The following SRP72 variants were observed in gnomAD, a reference collection of about 807,000 sequenced individuals.
SRP72 encodes the protein signal recognition particle subunit SRP72.
Under a neutral mutation model 96.3 loss-of-function variants are expected in SRP72, and 49 were observed. That is an observed-to-expected ratio of 0.51 (90% CI 0.40 to 0.65). The LOEUF (loss-of-function observed/expected upper bound fraction) is 0.65, where lower values mean the gene tolerates loss of function less well. Among genes scored for constraint, SRP72 ranks in the 30% least tolerant of loss-of-function variants. The pLI is 0.00. For synonymous variants in SRP72, 267 were observed against 275.2 expected (o/e 0.97, Z 0.30); for missense variants, 736 against 793.3 (o/e 0.93, Z 0.87).
chr4:56,487,694 A>G (rs557411740), intron 11 of SRP72, among the ~76,000 whole-genome samples: 1 of 152,334 alleles, frequency 6.6e-6, no homozygotes, highest in Admixed American at 6.5e-5. Flanking sequence ...CTTTTCTGGT[A>G]GCAGCTCTGC....
At position 56,474,263 on chromosome 4, in the gene SRP72, A is replaced by G. The variant is rs774648666; in HGVS notation, c.499-17A>G. 3.0e-5 allele frequency: 49 copies of G among 1,613,580 alleles called. 1 individual carries two copies. In the Admixed American group the frequency reaches 7.5e-4, roughly 25 times the overall value. On this transcript the variant is annotated splice_polypyrimidine_tract_variant and intron_variant, in intron 4 of 18. Transcript: ENST00000642900. ...TATTCATATTTAGTATTTAACTGGTATTTTGTCCCCTGACAGGAGAACCTG... is the reference window on the plus strand; with the variant it reads ...TATTCATATTTAGTATTTAACTGGTGTTTTGTCCCCTGACAGGAGAACCTG...
At chr4:56,471,162 A>AT (rs1485115639) in intron 2 of SRP72, among the ~76,000 whole-genome samples, 1 of 152,098 alleles carries the variant, frequency 6.6e-6, no homozygotes, top group Non-Finnish European at 1.5e-5. Context: ...TTTGATAAAT[A>AT]TTTTTCCTCA....
intron 10 of SRP72, 135 bp downstream of exon 10, chr4:56,484,999 C>A: frequency 9.2e-7 from 1 of 1,090,966 alleles, no homozygotes; most frequent in Non-Finnish European, 1.2e-6. Context: ...ATTTCATTGT[C>A]ATTTTAGTTA....
chr4:56,491,404 T>C (rs1274520382), intron 15 of SRP72, 27 bp from the exon 16 acceptor site: 3 of 1,608,916 alleles, frequency 1.9e-6, no homozygotes, highest in Non-Finnish European at 2.5e-6. Flanking sequence ...GTGTATATTA[T>C]GTTCCTGAAC....
At position 56,484,756 on chromosome 4, in the gene SRP72, A is replaced by G. The variant is rs780856924; in HGVS notation, c.978A>G (p.Ile326Met). 4.3e-6 allele frequency: 7 copies of G among 1,614,148 alleles called. No homozygotes were observed. The highest frequency in any genetic ancestry group is 5.9e-6 in the Non-Finnish European group (7 of 1,180,032). ...YTNQAEQCRK[I>M]SASLQSQSPE... ...TCTAGGCTGAACAATGCCGCAAAAT[A>G]TCTGCCAGTTTACAGTCCCAAAGTC... Residue 326 changes from isoleucine (I) to methionine (M), a missense_variant, in exon 10 of 19, where the codon ATA (isoleucine) becomes ATG (methionine). Ile to Met is a conservative substitution (Grantham distance 10). Coordinates refer to ENST00000642900, the MANE Select transcript of SRP72 (RefSeq NM_006947.4).
At chr4:56,487,795 A>G (rs964898274) in intron 11 of SRP72, among the ~76,000 whole-genome samples, 154 bp from the exon 12 acceptor site, 1 of 152,132 alleles carries the variant, frequency 6.6e-6, no homozygotes, top group Non-Finnish European at 1.5e-5. Context: ...CACCATCCCC[A>G]AGACCCCAAA....
At chr4:56,489,284 AG>A in intron 12 of SRP72, 103 bp from the exon 13 acceptor site, 2 of 509,160 alleles carry the variant, frequency 3.9e-6, no homozygotes, top group Non-Finnish European at 7.0e-6. Context: ...ATCAGGTATT[AG>A]CGGAGAGCCT....
intron 17 of SRP72, among the ~76,000 whole-genome samples, chr4:56,498,052 C>A (rs1312653724): frequency 6.6e-6 from 1 of 151,992 alleles, no homozygotes; most frequent in Non-Finnish European, 1.5e-5. Context: ...TTTTCCACTC[C>A]TCTATTATAT....
intron 2 of SRP72, among the ~76,000 whole-genome samples, chr4:56,470,064 A>G (rs1719910622): frequency 7.0e-6 from 1 of 142,568 alleles, no homozygotes; most frequent in Admixed American, 7.8e-5. Context: ...GAGTCGTTGG[A>G]GGATGTAGCA....
intron 18 of SRP72, 22 bp from the exon 19 acceptor site, chr4:56,501,662 A>G: frequency 6.2e-7 from 1 of 1,607,398 alleles, no homozygotes; most frequent in Non-Finnish European, 8.5e-7. Flanking sequence ...ATGAGTGACC[A>G]AAAATGATCT....
intron 16 of SRP72, among the ~76,000 whole-genome samples, chr4:56,492,711 C>G (rs1720950157): frequency 1.3e-5 from 2 of 152,190 alleles, no homozygotes. Flanking sequence ...TTACATTGTT[C>G]CGAATTCCAT....
At position 56,491,563 on chromosome 4, in the gene SRP72, A is replaced by G; in HGVS notation, c.1635A>G (p.Glu545=). The change falls in exon 16 of 19, where the codon GAA becomes GAG. Residue 545 remains glutamate (E), a synonymous_variant. Transcript: ENST00000642900. The part of the protein sequence containing the change: ...GKVTGDSQPK[E]QGQGDLKKKK... ...TTACTGGAGATAGTCAACCAAAGGA[A>G]CAAGGGTAATATTTTTCATTGTAAC... is the stretch of plus-strand genomic sequence containing the variant. 2 of 1,613,606 alleles carry G rather than the reference A, an allele frequency of 1.2e-6. No homozygotes were observed. Among genetic ancestry groups the G allele is most frequent in the Non-Finnish European group, 1.7e-6 (2 of 1,179,746 alleles).
chr4:56,499,691 C>A (rs1158186749), intron 17 of SRP72, among the ~76,000 whole-genome samples: 1 of 151,948 alleles, frequency 6.6e-6, no homozygotes, highest in African/African-American at 2.4e-5. Context: ...GTTAGAATGG[C>A]GATCATTAAA....
rs372790703 is a variant in SRP72 at position 56,480,443 on chromosome 4, A to T, written c.825+1794A>T. Among the ~76,000 whole-genome samples the T allele has an allele frequency of 2.7e-4, 41 of 152,154 alleles. No individual in the cohort carries two copies. The East Asian group carries it at 6.8e-3, about 25-fold the overall frequency. On this transcript the variant is annotated intron_variant, in intron 8 of 18. Transcript: ENST00000642900. ...CCCGGCTAATTTTTGTATTTTTAGT[A>T]GAGATGGGGTTTCACCATGTTGGGC...
intron 10 of SRP72, among the ~76,000 whole-genome samples, chr4:56,485,760 C>T (rs1720682297): frequency 6.6e-6 from 1 of 151,992 alleles, no homozygotes; most frequent in Non-Finnish European, 1.5e-5. Context: ...GAGATCACGC[C>T]ACTGCACTCC....
chr4:56,476,811 T>A (rs1421490825), intron 6 of SRP72, 109 bp downstream of exon 6: 34 of 1,135,386 alleles, frequency 3.0e-5, no homozygotes, highest in Admixed American at 2.0e-4. Flanking sequence ...GGCAATTCAT[T>A]AAGTAGGAAT....
At chr4:56,488,096 C>A in intron 12 of SRP72, 83 bp downstream of exon 12, 1 of 894,588 alleles carries the variant, frequency 1.1e-6, no homozygotes, top group East Asian at 2.7e-5. Context: ...ATTTATATGT[C>A]GAATGTGTAT....
rs76160550 is a variant in SRP72 at position 56,497,067 on chromosome 4, C to T, written c.1678+1673C>T. Reference sequence around the variant, plus strand: ...GTTTATATGTATATACAGAATCAAACGTATCATTAGGTACTCAAAGTTTTT... The same window carrying T: ...GTTTATATGTATATACAGAATCAAATGTATCATTAGGTACTCAAAGTTTTT... On this transcript the variant is annotated intron_variant, in intron 17 of 18. Coordinates refer to ENST00000642900, the MANE Select transcript of SRP72 (RefSeq NM_006947.4). 3.9e-3 allele frequency among the ~76,000 whole-genome samples: 599 copies of T among 152,128 alleles called. 5 individuals are homozygous for T. The highest frequency in any genetic ancestry group is 0.013 in the African/African-American group (547 of 41,510).
At chr4:56,478,195 A>C (rs894264826) in intron 6 of SRP72, among the ~76,000 whole-genome samples, 184 bp from the exon 7 acceptor site, 5 of 146,064 alleles carry the variant, frequency 3.4e-5, no homozygotes, top group Admixed American at 2.7e-4. Context: ...TAGAAGTTGA[A>C]GTCTTTTTGC....
Sources: gnomAD v4.1 joint callset for allele counts (sites outside exome capture counted in the v4.1 genomes callset) on GRCh38, gnomAD v4.1.1 for gene constraint, MANE v1.5 for transcripts, NCBI Gene and HGNC (gene_info 2026-07-23, HGNC 2026-07-21) for gene names.